LHFPL6: variants seen among roughly 807,000 people sequenced by gnomAD.
LHFPL6 encodes LHFPL tetraspan subfamily member 6, also known as LHFPL tetraspan subfamily member 6 protein.
Under a neutral mutation model 20.6 loss-of-function variants are expected in LHFPL6, and 9 were observed. The ratio of observed to expected loss-of-function variants is 0.44; its 90% confidence interval spans 0.26 to 0.76. The LOEUF (loss-of-function observed/expected upper bound fraction) is 0.76. Ranked by LOEUF, LHFPL6 falls within the 30% of genes least tolerant of loss-of-function variation. The pLI is 0.20. For synonymous variants in LHFPL6, 105 were observed against 98.7 expected (o/e 1.06, Z -0.38); for missense variants, 218 against 253.5 (o/e 0.86, Z 0.95).
At chr13:39,542,096 T>TATAATAATAATAATAATA (rs5802996) in intron 2 of LHFPL6, among the ~76,000 whole-genome samples, 13 of 137,132 alleles carry the variant, frequency 9.5e-5, no homozygotes, top group Non-Finnish European at 1.5e-4. Flanking sequence ...ATCTCAAAAA[T>TATAATAATAATAATAATA]ATAATAATAA....
chr13:39,527,633 A>AT (rs1424035998), intron 2 of LHFPL6, among the ~76,000 whole-genome samples: 1 of 151,902 alleles, frequency 6.6e-6, no homozygotes, highest in Non-Finnish European at 1.5e-5. Flanking sequence ...TATACTCATC[A>AT]TTTTTTTGTT....
intron 2 of LHFPL6, among the ~76,000 whole-genome samples, chr13:39,487,965 T>G (rs1021230277): frequency 6.6e-6 from 1 of 152,212 alleles, no homozygotes; most frequent in African/African-American, 2.4e-5. Context: ...AAGTTAATTT[T>G]AAAAATTGCA....
chr13:39,349,315 A>G (rs1019904799), intron 3 of LHFPL6, among the ~76,000 whole-genome samples: 1 of 151,106 alleles, frequency 6.6e-6, no homozygotes, highest in Non-Finnish European at 1.5e-5. Flanking sequence ...GTACATATGC[A>G]TACATGTCTT....
chr13:39,422,905 G>A (rs775431715), intron 2 of LHFPL6, among the ~76,000 whole-genome samples: 1 of 152,080 alleles, frequency 6.6e-6, no homozygotes, highest in Non-Finnish European at 1.5e-5. Context: ...AAGCAAACAC[G>A]TCCTTCTTCA....
intron 2 of LHFPL6, among the ~76,000 whole-genome samples, chr13:39,576,081 G>A (rs1227845614): frequency 2.6e-5 from 4 of 152,148 alleles, no homozygotes; most frequent in South Asian, 2.1e-4. Flanking sequence ...TGAAGGTTTC[G>A]CTTACCTCTT....
intron 2 of LHFPL6, among the ~76,000 whole-genome samples, chr13:39,565,550 G>T (rs1220360070): frequency 6.6e-6 from 1 of 152,222 alleles, no homozygotes; most frequent in Non-Finnish European, 1.5e-5. Context: ...GTGGAGAAGG[G>T]AATTGTAGTT....
At chr13:39,588,533 A>C (rs1419127688) in intron 2 of LHFPL6, among the ~76,000 whole-genome samples, 1 of 152,246 alleles carries the variant, frequency 6.6e-6, no homozygotes, top group African/African-American at 2.4e-5. Context: ...AATTATTCAG[A>C]GCTTTTAAAA....
intron 2 of LHFPL6, among the ~76,000 whole-genome samples, chr13:39,480,789 C>G (rs1868484067): frequency 1.3e-5 from 2 of 152,048 alleles, no homozygotes; most frequent in Non-Finnish European, 1.5e-5. Flanking sequence ...TTGTCTTTTA[C>G]CAACAGTATT....
At chr13:39,548,295 G>A (rs995318321) in intron 2 of LHFPL6, among the ~76,000 whole-genome samples, 2 of 152,010 alleles carry the variant, frequency 1.3e-5, no homozygotes, top group African/African-American at 2.4e-5. Flanking sequence ...CAGAGACTGT[G>A]TCCCCTTATG....
intron 3 of LHFPL6, among the ~76,000 whole-genome samples, chr13:39,370,742 A>G (rs896345850): frequency 3.1e-4 from 47 of 152,334 alleles, no homozygotes; most frequent in African/African-American, 1.1e-3. Context: ...AGCATGAAGC[A>G]ACCCGAAAAG....
At chr13:39,526,959 A>G (rs9548799) in intron 2 of LHFPL6, among the ~76,000 whole-genome samples, 278 of 152,326 alleles carry the variant, frequency 1.8e-3, no homozygotes, top group Admixed American at 3.1e-3. Flanking sequence ...TTCGAATTAC[A>G]TATTTATTCC....
intron 3 of LHFPL6, among the ~76,000 whole-genome samples, chr13:39,355,008 C>G (rs1427740764): frequency 2.0e-5 from 3 of 150,334 alleles, no homozygotes; most frequent in African/African-American, 4.9e-5. Flanking sequence ...ATGAAAATTT[C>G]CACAATCTCA....
intron 1 of LHFPL6, among the ~76,000 whole-genome samples, chr13:39,602,432 T>G (rs1044510471): frequency 1.3e-5 from 2 of 152,128 alleles, no homozygotes; most frequent in Non-Finnish European, 2.9e-5. Flanking sequence ...CTTTTTTTTC[T>G]AATCTTGTCA....
chr13:39,457,607 C>T (rs992331515), intron 2 of LHFPL6, among the ~76,000 whole-genome samples: 2 of 152,164 alleles, frequency 1.3e-5, no homozygotes, highest in African/African-American at 4.8e-5. Flanking sequence ...TACCATATGA[C>T]TCTGCAATCT....
chr13:39,571,671 C>T (rs58418761), intron 2 of LHFPL6, among the ~76,000 whole-genome samples: 12,357 of 152,316 alleles, frequency 0.081, 623 homozygotes, highest in East Asian at 0.23. Context: ...TTGCCCTTGA[C>T]GGCGGAGGGC....
intron 2 of LHFPL6, among the ~76,000 whole-genome samples, chr13:39,471,779 T>A (rs1370174082): frequency 6.6e-6 from 1 of 152,258 alleles, no homozygotes; most frequent in Admixed American, 6.5e-5. Flanking sequence ...TTCATTTTTA[T>A]GGCATTTGAA....
intron 2 of LHFPL6, among the ~76,000 whole-genome samples, chr13:39,490,968 C>T (rs1868906295): frequency 6.6e-6 from 1 of 152,162 alleles, no homozygotes; most frequent in Non-Finnish European, 1.5e-5. Flanking sequence ...TCAAACTCCA[C>T]TGGAATGAGG....
chr13:39,474,345 T>C (rs559320019), intron 2 of LHFPL6, among the ~76,000 whole-genome samples: 10 of 152,376 alleles, frequency 6.6e-5, no homozygotes, highest in Non-Finnish European at 1.3e-4. Context: ...AGAATTTCAC[T>C]TGTTTTTATT....
chr13:39,441,876 C>G (rs1052210114), intron 2 of LHFPL6, among the ~76,000 whole-genome samples: 2 of 140,598 alleles, frequency 1.4e-5, no homozygotes, highest in African/African-American at 5.4e-5. Flanking sequence ...GTCGCCTGGA[C>G]TGGAGTGCAA....
Sources: gnomAD v4.1 joint callset for allele counts (sites outside exome capture counted in the v4.1 genomes callset) on GRCh38, gnomAD v4.1.1 for gene constraint, MANE v1.5 for transcripts, NCBI Gene and HGNC (gene_info 2026-07-23, HGNC 2026-07-21) for gene names.